PSMD2: variants seen among roughly 807,000 people sequenced by gnomAD.
PSMD2 encodes the protein proteasome 26S subunit ubiquitin receptor, non-ATPase 2.
In PSMD2, 8 loss-of-function variants were observed where a neutral mutation model predicts 101.5. That is an observed-to-expected ratio of 0.08 (90% CI 0.05 to 0.14). The LOEUF is 0.14. PSMD2 is among the 10% of genes least tolerant of loss of function. The pLI, the probability that PSMD2 is intolerant of heterozygous loss-of-function variation, is 1.00. For missense variants in PSMD2, 784 were observed against 1,147.4 expected (o/e 0.68, Z 4.58); for synonymous variants, 418 against 433.8 (o/e 0.96, Z 0.45).
At chr3:184,303,874 G>A in intron 10 of PSMD2, 73 bp from the exon 11 acceptor site, 1 of 1,610,406 alleles carries the variant, frequency 6.2e-7, no homozygotes. Context: ...GTGCTGCAGT[G>A]AGGCCCATGT....
Position 184,299,316 on chromosome 3 carries a change from C to T in PSMD2, c.50C>T (p.Pro17Leu), listed in dbSNP as rs1721565464. 3 of 1,406,488 alleles carry T rather than the reference C, an allele frequency of 2.1e-6. No homozygotes were observed. The highest frequency in any genetic ancestry group is 2.8e-6 in the Non-Finnish European group (3 of 1,084,054). The allele number at this position is 1,406,488 out of a possible 1,614,324, so 87.1% of individuals were successfully genotyped here. ...GCGCCGGTGCAGCCCCAGCAGTCTC[C>T]AGCGGCGGCCCCCGGCGGCACGGAC... ...DKAPVQPQQS[P>L]AAAPGGTDEK... is the part of the protein sequence containing the mutation. Residue 17 changes from proline (P) to leucine (L), a missense_variant, in exon 1 of 21, where the codon CCA (proline) becomes CTA (leucine). Coordinates refer to ENST00000310118, the MANE Select transcript of PSMD2 (RefSeq NM_002808.5).
rs778144873 is a variant in PSMD2, at chr3:184,307,337, G to T, written c.2035-20G>T. 21 of 1,613,246 alleles carry T rather than the reference G, an allele frequency of 1.3e-5. No homozygotes were observed. Among genetic ancestry groups the T allele is most frequent in the Non-Finnish European group, 1.6e-5 (19 of 1,179,380 alleles). ...TTTTACTGCATTCCGCCTTACTGTTGTATTTTCTTGGATCATCAGCTGAGA... is the reference window on the plus strand; with the variant it reads ...TTTTACTGCATTCCGCCTTACTGTTTTATTTTCTTGGATCATCAGCTGAGA... On this transcript the variant is annotated intron_variant, in intron 16 of 20. Coordinates refer to ENST00000310118, the MANE Select transcript of PSMD2 (RefSeq NM_002808.5).
intron 13 of PSMD2, 48 bp from the exon 14 acceptor site, chr3:184,306,006 T>G: frequency 6.2e-7 from 1 of 1,613,686 alleles, no homozygotes; most frequent in South Asian, 1.1e-5. Flanking sequence ...TGTCAGGCTG[T>G]GCTGGATGGA....
chr3:184,299,314 T>G lies in PSMD2; in HGVS notation c.48T>G (p.Ser16=), dbSNP rs1276062869. The G allele has an allele frequency of 7.1e-7, 1 of 1,404,380 alleles. No individual in the cohort carries two copies. The highest frequency in any genetic ancestry group is 1.5e-5 in the African/African-American group (1 of 66,032). 87.0% of individuals were successfully genotyped at this position (1,404,380 alleles called of 1,614,324 possible). Residue 16 remains serine (S), a synonymous_variant, in exon 1 of 21, where the codon TCT becomes TCG. Transcript: ENST00000310118. ...AGGCGCCGGTGCAGCCCCAGCAGTC[T>G]CCAGCGGCGGCCCCCGGCGGCACGG... The part of the protein sequence containing the change: ...RDKAPVQPQQ[S]PAAAPGGTDE...
In PSMD2 at chr3:184,307,922, C is replaced by A; in HGVS notation, c.2331C>A (p.Thr777=). Residue 777 remains threonine, a synonymous_variant, in exon 19 of 21, where the codon ACC becomes ACA. Coordinates refer to ENST00000310118, the MANE Select transcript of PSMD2 (RefSeq NM_002808.5). ...GLTHLGKGTL[T]LCPYHSDRQL... is the part of the protein sequence containing the mutation. Reference sequence around the variant, plus strand: ...CACATTTAGGGAAGGGCACCCTTACCCTCTGCCCCTACCACAGCGACCGGC... The same window carrying A: ...CACATTTAGGGAAGGGCACCCTTACACTCTGCCCCTACCACAGCGACCGGC... The A allele has an allele frequency of 6.2e-7, 1 of 1,614,092 alleles. No homozygotes were observed. Among genetic ancestry groups the A allele is most frequent in the East Asian group, 2.2e-5 (1 of 44,880 alleles).
rs1721702534 is a variant in PSMD2, at chr3:184,303,079, G to A, written c.1069+17G>A. 6.2e-7 allele frequency: 1 copy of A among 1,611,558 alleles called. No homozygotes were observed. On this transcript the variant is annotated intron_variant, in intron 8 of 20. Coordinates refer to ENST00000310118, the MANE Select transcript of PSMD2 (RefSeq NM_002808.5). Reference sequence around the variant, plus strand: ...AGAACAACAGTGAGTAGCCCTCTCTGTGTATGGGATTTGGGGGATTGTAGG... The same window carrying A: ...AGAACAACAGTGAGTAGCCCTCTCTATGTATGGGATTTGGGGGATTGTAGG...
rs779163764 is a variant in PSMD2, at chr3:184,302,407, C to T, written c.742C>T (p.Leu248=). The stretch of plus-strand genomic sequence containing the variant: ...CGTGCCTGAGCCTGAGAACTCAGCC[C>T]TACTGCGTTGTGCCCTGGGTGTGTT... ...NYVPEPENSA[L]LRCALGVFRK... is the part of the protein sequence containing the mutation. The change falls in exon 6 of 21, where the codon CTA becomes TTA. Residue 248 remains leucine, a synonymous_variant. Transcript: ENST00000310118. 6.2e-6 allele frequency: 10 copies of T among 1,614,034 alleles called. No individual in the cohort carries two copies. In the Admixed American group the frequency reaches 1.2e-4, roughly 19 times the overall value.
In PSMD2 at chr3:184,304,182, G is replaced by A; in HGVS notation, c.1451+108G>A. The A allele has an allele frequency of 1.3e-6, 2 of 1,553,278 alleles. No homozygotes were observed. Among genetic ancestry groups the A allele is most frequent in the Non-Finnish European group, 1.8e-6 (2 of 1,125,656 alleles). ...GCCAAGGGCTACCACTGTGCCTATT[G>A]GGTATCTGGCTCTTGGTGAATGTTT... On this transcript the variant is annotated intron_variant, in intron 11 of 20. Coordinates refer to ENST00000310118, the MANE Select transcript of PSMD2 (RefSeq NM_002808.5). The surrounding 1 kb of genome is among the most constrained non-coding windows in gnomAD (Gnocchi z 4.1).
intron 7 of PSMD2, 65 bp downstream of exon 7, chr3:184,302,888 G>C: frequency 6.2e-7 from 1 of 1,611,540 alleles, no homozygotes; most frequent in Non-Finnish European, 8.5e-7. Flanking sequence ...TCACCTCCCT[G>C]ACTCTACCTC....
Position 184,304,270 on chromosome 3 carries a change from T to C in PSMD2, c.1452-34T>C. On this transcript the variant is annotated intron_variant, in intron 11 of 20. Transcript: ENST00000310118. This position sits in a 1 kb window ranked among gnomAD's most constrained non-coding sequence, Gnocchi z 4.1. ...TCTTTTCTTGCTGCATCGTTGGGTATGTGTTGGGGACCGCCTTTCCATGGC... is the reference window on the plus strand; with the variant it reads ...TCTTTTCTTGCTGCATCGTTGGGTACGTGTTGGGGACCGCCTTTCCATGGC... The C allele has an allele frequency of 6.3e-7, 1 of 1,599,994 alleles. No homozygotes were observed. Among genetic ancestry groups the C allele is most frequent in the Admixed American group, 1.7e-5 (1 of 60,006 alleles).
rs560898895 is a variant in PSMD2 at position 184,302,276 on chromosome 3, A to G, written c.705-94A>G. The stretch of plus-strand genomic sequence containing the variant: ...ATCTAGCACAGTGCCTGGTGTATAT[A>G]GTAGATATTTATTATTTATTTTGGG... On this transcript the variant is annotated intron_variant, in intron 5 of 20. Transcript: ENST00000310118. 13 of 1,343,902 alleles carry G rather than the reference A, an allele frequency of 9.7e-6. No homozygotes were observed. The Admixed American group carries it at 2.6e-4, about 27-fold the overall frequency. 83.2% of individuals were successfully genotyped at this position (1,343,902 alleles called of 1,614,324 possible).
rs1721933190 is a variant in PSMD2 at position 184,308,782 on chromosome 3, G to A, written c.2619G>A (p.Leu873=). 11 of 1,614,080 alleles carry A rather than the reference G, an allele frequency of 6.8e-6. No individual in the cohort carries two copies. In the East Asian group the frequency reaches 2.5e-4, roughly 36 times the overall value. The change falls in exon 21 of 21, where the codon TTG becomes TTA. Residue 873 remains leucine, a synonymous_variant. Coordinates refer to ENST00000310118, the MANE Select transcript of PSMD2 (RefSeq NM_002808.5). This position sits in a 1 kb window ranked among gnomAD's most constrained non-coding sequence, Gnocchi z 6.0. ...TGFQTHTTPV[L]LAHGERAELA... is the part of the protein sequence containing the mutation. ...TCCAGACGCATACAACCCCAGTGTTGTTGGCCCACGGGGAACGGGCAGAAT... is the reference window on the plus strand; with the variant it reads ...TCCAGACGCATACAACCCCAGTGTTATTGGCCCACGGGGAACGGGCAGAAT...
rs546883185 is a variant in PSMD2, at chr3:184,306,469, G to A, written c.1924G>A (p.Ala642Thr). ...KEKKDKDKKE[A>T]PADMGAHQGV... ...AAAGAAAGACAAGGACAAGAAGGAA[G>A]CCCCTGCTGACATGGGAGCACATCA... The change falls in exon 15 of 21, where the codon GCC becomes ACC. Residue 642 changes from alanine to threonine, a missense_variant. Physicochemically the swap from Ala to Thr is moderately conservative, Grantham distance 58 (BLOSUM62 0). Around this residue, in one of 6 missense-constraint regions of PSMD2, gnomAD observed 282 missense variants for 437.6 expected, o/e 0.64. Coordinates refer to ENST00000310118, the MANE Select transcript of PSMD2 (RefSeq NM_002808.5). 8.1e-6 allele frequency: 13 copies of A among 1,613,842 alleles called. No homozygotes were observed. In the East Asian group the frequency reaches 2.9e-4, roughly 36 times the overall value.
Position 184,300,274 on chromosome 3 carries a change from G to T in PSMD2, c.193-6G>T. On this transcript the variant is annotated splice_polypyrimidine_tract_variant and splice_region_variant and intron_variant, in intron 2 of 20. Coordinates refer to ENST00000310118, the MANE Select transcript of PSMD2 (RefSeq NM_002808.5). ...TTTTGTCTGAGCCCTGTCGTCTCTT[G>T]ATCAGGAGAAGGATACATCCCTGTA... 1 of 1,610,534 alleles carries T rather than the reference G, an allele frequency of 6.2e-7. No individual in the cohort carries two copies.
chr3:184,305,074 G>A (rs1161536784), intron 12 of PSMD2, among the ~76,000 whole-genome samples: 1 of 152,314 alleles, frequency 6.6e-6, no homozygotes, highest in East Asian at 1.9e-4. Flanking sequence ...GATAAATACA[G>A]CATGGTGGCT....
chr3:184,302,287 A>G, intron 5 of PSMD2, 83 bp from the exon 6 acceptor site: 1 of 1,393,674 alleles, frequency 7.2e-7, no homozygotes, highest in South Asian at 1.3e-5. Flanking sequence ...GTAGATATTT[A>G]TTATTTATTT....
chr3:184,304,693 C>T lies in PSMD2; in HGVS notation c.1539+302C>T, dbSNP rs552895328. 6.6e-6 allele frequency among the ~76,000 whole-genome samples: 1 copy of T among 152,156 alleles called. No homozygotes were observed. Among genetic ancestry groups the T allele is most frequent in the South Asian group, 2.1e-4 (1 of 4,816 alleles). ...TTGAGCCCAGGAGTTCGAGACCAAC[C>T]TGGGCAAGATTGTGAAACCCCATTT... On this transcript the variant is annotated intron_variant, in intron 12 of 20. Coordinates refer to ENST00000310118, the MANE Select transcript of PSMD2 (RefSeq NM_002808.5). This position sits in a 1 kb window ranked among gnomAD's most constrained non-coding sequence, Gnocchi z 4.1.
At position 184,308,352 on chromosome 3, in the gene PSMD2, G is replaced by C. The variant is rs1721915789; in HGVS notation, c.2426-97G>C. 9.9e-7 allele frequency: 1 copy of C among 1,005,302 alleles called. No individual in the cohort carries two copies. Among genetic ancestry groups the C allele is most frequent in the South Asian group, 1.5e-5 (1 of 65,330 alleles). 62.3% of individuals were successfully genotyped at this position (1,005,302 alleles called of 1,614,324 possible). On this transcript the variant is annotated intron_variant, in intron 19 of 20. Coordinates refer to ENST00000310118, the MANE Select transcript of PSMD2 (RefSeq NM_002808.5). This position sits in a 1 kb window ranked among gnomAD's most constrained non-coding sequence, Gnocchi z 6.0. ...GGAGTGTGGATTCAGTCGTATGACT[G>C]ACGGGTTAAAGGGTCAGCGCTGAGG...
At chr3:184,303,270 G>C in intron 8 of PSMD2, 50 bp from the exon 9 acceptor site, 1 of 1,591,468 alleles carries the variant, frequency 6.3e-7, no homozygotes, top group Non-Finnish European at 8.5e-7. Context: ...TTTCTTTCCT[G>C]TCCTACCTGA....
Sources: gnomAD v4.1 joint callset for allele counts (sites outside exome capture counted in the v4.1 genomes callset) on GRCh38, gnomAD v4.1.1 for gene constraint, gnomAD v4.1.1 regional missense constraint, Gnocchi (gnomAD v3.1) non-coding constraint, MANE v1.5 for transcripts, NCBI Gene and HGNC (gene_info 2026-07-23, HGNC 2026-07-21) for gene names.